ATP10A: variants seen among roughly 807,000 people sequenced by gnomAD.
ATP10A encodes phospholipid-transporting ATPase VA.
In ATP10A, 111 loss-of-function variants were observed where a neutral mutation model predicts 147.8. The ratio of observed to expected loss-of-function variants is 0.75; its 90% CI spans 0.64 to 0.88. The LOEUF (loss-of-function observed/expected upper bound fraction) is 0.88. Among genes scored for constraint, ATP10A ranks in the 40% least tolerant of loss-of-function variants. The pLI, the probability that ATP10A is intolerant of heterozygous loss-of-function variation, is 0.00. For missense variants in ATP10A, 1,927 were observed against 1,959.0 expected, an observed-to-expected ratio of 0.98 and a Z score of 0.31; for synonymous variants, 875 against 841.6, an observed-to-expected ratio of 1.04 and a Z score of -0.69.
intron 4 of ATP10A, 80 bp from the exon 5 acceptor site, chr15:25,726,162 T>A (rs1189424356): frequency 3.9e-6 from 6 of 1,521,028 alleles, no homozygotes; most frequent in African/African-American, 1.4e-5. Context: ...TGGAGGGAAT[T>A]CCATGCTGCC....
chr15:25,733,593 AG>A (rs1394331211), intron 3 of ATP10A, among the ~76,000 whole-genome samples: 1 of 152,128 alleles, frequency 6.6e-6, no homozygotes, highest in Non-Finnish European at 1.5e-5. Flanking sequence ...TGGCTGGGAG[AG>A]GGGCCATCCA....
intron 1 of ATP10A, among the ~76,000 whole-genome samples, chr15:25,811,713 C>T (rs565744104): frequency 7.2e-5 from 11 of 152,164 alleles, no homozygotes; most frequent in Admixed American, 2.0e-4. Flanking sequence ...ACACCACAGG[C>T]GTCAAGAGTC....
At chr15:25,776,498 C>T (rs1446350763) in intron 2 of ATP10A, among the ~76,000 whole-genome samples, 1 of 152,238 alleles carries the variant, frequency 6.6e-6, no homozygotes, top group African/African-American at 2.4e-5. Flanking sequence ...TACAGTAGGC[C>T]TGGCGTGCAG....
At position 25,721,173 on chromosome 15, in the gene ATP10A, G is replaced by A. The variant is rs571630132; in HGVS notation, c.1363+484C>T. On this transcript the variant is annotated intron_variant, in intron 7 of 20. Coordinates refer to ENST00000555815, the MANE Select transcript of ATP10A (RefSeq NM_024490.4). ...GAAGGGAGAGGTGGGAGTGGGGACC[G>A]CTTCAATAATTGGGAGTGAGGCGAT... 2.0e-5 allele frequency among the ~76,000 whole-genome samples: 3 copies of A among 152,306 alleles called. No homozygotes were observed. In the South Asian group the frequency reaches 6.2e-4, roughly 32 times the overall value.
intron 1 of ATP10A, among the ~76,000 whole-genome samples, chr15:25,834,469 G>A (rs1002519966): frequency 1.3e-5 from 2 of 152,196 alleles, no homozygotes; most frequent in Non-Finnish European, 2.9e-5. Context: ...CTTCACACCC[G>A]ATAGATGGCT....
intron 2 of ATP10A, among the ~76,000 whole-genome samples, chr15:25,772,316 G>T (rs912406334): frequency 6.6e-6 from 1 of 152,034 alleles, no homozygotes; most frequent in Non-Finnish European, 1.5e-5. Flanking sequence ...AGGCCCTGAC[G>T]TCTCTGATGC....
chr15:25,769,520 C>T (rs977655272), intron 2 of ATP10A, among the ~76,000 whole-genome samples: 1 of 141,588 alleles, frequency 7.1e-6, no homozygotes, highest in Non-Finnish European at 1.5e-5. Context: ...AAAAGACATG[C>T]ATATACTAAC....
At chr15:25,796,579 G>A (rs911112786) in intron 1 of ATP10A, among the ~76,000 whole-genome samples, 12 of 152,198 alleles carry the variant, frequency 7.9e-5, no homozygotes, top group African/African-American at 2.9e-4. Flanking sequence ...ATGAGTCATC[G>A]GGGAGCTGCT....
At chr15:25,805,587 G>A (rs933981876) in intron 1 of ATP10A, among the ~76,000 whole-genome samples, 1 of 152,122 alleles carries the variant, frequency 6.6e-6, no homozygotes, top group Non-Finnish European at 1.5e-5. Context: ...CCAAACAAAC[G>A]CAGGTCTCAT....
At chr15:25,693,272 C>T (rs1156644171) in intron 14 of ATP10A, among the ~76,000 whole-genome samples, 2 of 152,228 alleles carry the variant, frequency 1.3e-5, no homozygotes, top group African/African-American at 4.8e-5. Context: ...ATCTTCCTGC[C>T]TTGGCCTCCC....
rs1015521698 is a variant in ATP10A, at chr15:25,789,780, T to C, written c.450-8557A>G. Among the ~76,000 whole-genome samples, 3 of 152,144 alleles carry C rather than the reference T, an allele frequency of 2.0e-5. No homozygotes were observed. The South Asian group carries it at 6.2e-4, about 32-fold the overall frequency. On this transcript the variant is annotated intron_variant, in intron 1 of 20. Transcript: ENST00000555815. Reference sequence around the variant, plus strand: ...TGTTGAGATTTGGGGCTGGATATCCTTGATGGTGGACAGCTCTGGGCTCTG... The same window carrying C: ...TGTTGAGATTTGGGGCTGGATATCCCTGATGGTGGACAGCTCTGGGCTCTG...
intron 1 of ATP10A, among the ~76,000 whole-genome samples, chr15:25,833,017 CTG>C (rs1250569150): frequency 3.0e-5 from 4 of 133,536 alleles, no homozygotes; most frequent in Non-Finnish European, 6.2e-5. Context: ...GAGTCTCACT[CTG>C]TTGCCCAGGT....
intron 1 of ATP10A, among the ~76,000 whole-genome samples, chr15:25,848,220 G>A (rs1281043598): frequency 6.6e-6 from 1 of 152,146 alleles, no homozygotes; most frequent in Non-Finnish European, 1.5e-5. Context: ...ATGAACACAT[G>A]TATTAGCTTC....
At chr15:25,774,088 T>G (rs748908647) in intron 2 of ATP10A, among the ~76,000 whole-genome samples, 5 of 152,292 alleles carry the variant, frequency 3.3e-5, no homozygotes, top group South Asian at 4.1e-4. Context: ...AAAAAGCATT[T>G]CACATTGTAC....
chr15:25,761,776 A>T (rs1485185931), intron 2 of ATP10A, among the ~76,000 whole-genome samples: 1 of 152,236 alleles, frequency 6.6e-6, no homozygotes, highest in African/African-American at 2.4e-5. Flanking sequence ...CTAGGAGGTA[A>T]CTAATTTGCT....
chr15:25,684,387 G>A (rs1476291105), intron 16 of ATP10A, among the ~76,000 whole-genome samples: 1 of 152,190 alleles, frequency 6.6e-6, no homozygotes, highest in African/African-American at 2.4e-5. Flanking sequence ...CTCATGACAT[G>A]GGCATACCAA....
At chr15:25,705,865 C>T (rs1440722780) in intron 12 of ATP10A, among the ~76,000 whole-genome samples, 2 of 152,328 alleles carry the variant, frequency 1.3e-5, no homozygotes, top group East Asian at 1.9e-4. Context: ...TGCCAGGAGG[C>T]GTGAGCAGGC....
rs112404525 is a variant in ATP10A at position 25,727,667 on chromosome 15, A to G, written c.741-401T>C. Among the ~76,000 whole-genome samples, 138 of 152,376 alleles carry G rather than the reference A, an allele frequency of 9.1e-4. 1 individual carries two copies. Among genetic ancestry groups the G allele is most frequent in the African/African-American group, 3.2e-3 (134 of 41,586 alleles). On this transcript the variant is annotated intron_variant, in intron 3 of 20. Coordinates refer to ENST00000555815, the MANE Select transcript of ATP10A (RefSeq NM_024490.4). ...TACTCCTAATCAGTCTCAAGTTGTC[A>G]TAAAAATACAAACATCTTTCTACAA...
chr15:25,847,187 A>C (rs1452238765), intron 1 of ATP10A, among the ~76,000 whole-genome samples: 2 of 151,668 alleles, frequency 1.3e-5, no homozygotes, highest in Non-Finnish European at 2.9e-5. Context: ...CACACATCAA[A>C]GATCAAAGGG....
Sources: gnomAD v4.1 joint callset for allele counts (sites outside exome capture counted in the v4.1 genomes callset) on GRCh38, gnomAD v4.1.1 for gene constraint, MANE v1.5 for transcripts, NCBI Gene and HGNC (gene_info 2026-07-23, HGNC 2026-07-21) for gene names.